Variants in BRSK2 observed in about 807,000 individuals in gnomAD.
BRSK2 encodes serine/threonine-protein kinase BRSK2.
BRSK2 carries 19 observed loss-of-function variants against 83.3 expected under a neutral mutation model. The ratio of observed to expected loss-of-function variants is 0.23; its 90% CI spans 0.16 to 0.33. The LOEUF is 0.33. Among genes scored for constraint, BRSK2 ranks in the 10% least tolerant of loss-of-function variants. The pLI is 1.00. For synonymous variants in BRSK2, 519 were observed against 435.4 expected, an observed-to-expected ratio of 1.19 and a Z score of -2.39; for missense variants, 798 against 1,042.3, an observed-to-expected ratio of 0.77 and a Z score of 3.23.
At chr11:1,393,904 GCCCC>G (rs1845886073) in intron 1 of BRSK2, among the ~76,000 whole-genome samples, 6 of 140,494 alleles carry the variant, frequency 4.3e-5, no homozygotes, top group African/African-American at 1.1e-4. Context: ...CTGGAGATGG[GCCCC>G]TGGAGATGGG....
rs565283021 is a variant in BRSK2 at position 1,390,934 on chromosome 11, G to T, written c.91+559G>T. 1.3e-5 allele frequency among the ~76,000 whole-genome samples: 2 copies of T among 152,214 alleles called. No homozygotes were observed. The highest frequency in any genetic ancestry group is 2.9e-5 in the Non-Finnish European group (2 of 68,020). ...CAGCGCCTTGCGCTGCTCCGGCTCGGGCTCGGGCGGGCGGAGCGTCTGTGA... is the reference window on the plus strand; with the variant it reads ...CAGCGCCTTGCGCTGCTCCGGCTCGTGCTCGGGCGGGCGGAGCGTCTGTGA... On this transcript the variant is annotated intron_variant, in intron 1 of 19. Transcript: ENST00000528841. This position sits in a 1 kb window ranked among gnomAD's most constrained non-coding sequence, Gnocchi z 6.8.
At chr11:1,415,821 C>T (rs974803881) in intron 1 of BRSK2, among the ~76,000 whole-genome samples, 1 of 152,266 alleles carries the variant, frequency 6.6e-6, no homozygotes, top group Non-Finnish European at 1.5e-5. Flanking sequence ...AGCGGCTGCC[C>T]CTTCTGTTGC....
At chr11:1,424,416 C>G (rs1318358999) in intron 1 of BRSK2, among the ~76,000 whole-genome samples, 1 of 152,206 alleles carries the variant, frequency 6.6e-6, no homozygotes, top group Non-Finnish European at 1.5e-5. Flanking sequence ...CGGGGTGGCC[C>G]CCACCTGCCC....
At chr11:1,447,575 C>T (rs1055773583) in intron 12 of BRSK2, among the ~76,000 whole-genome samples, 4 of 152,082 alleles carry the variant, frequency 2.6e-5, no homozygotes, top group South Asian at 2.1e-4. Flanking sequence ...TGACTGGGGA[C>T]GCAGGGGTCC....
intron 2 of BRSK2, among the ~76,000 whole-genome samples, chr11:1,437,242 G>A (rs113322572): frequency 2.0e-5 from 3 of 152,248 alleles, no homozygotes; most frequent in Non-Finnish European, 2.9e-5. Context: ...ACCTGCAGGC[G>A]CTGTGCACAG....
intron 1 of BRSK2, among the ~76,000 whole-genome samples, chr11:1,433,313 C>G (rs543490587): frequency 6.6e-6 from 1 of 152,388 alleles, no homozygotes; most frequent in African/African-American, 2.4e-5. Flanking sequence ...CACAGCCTCC[C>G]TCCTGCTTCA....
chr11:1,399,573 C>G (rs1414615860), intron 1 of BRSK2, among the ~76,000 whole-genome samples: 1 of 152,066 alleles, frequency 6.6e-6, no homozygotes, highest in Non-Finnish European at 1.5e-5. Flanking sequence ...GCTGGGGATG[C>G]CAGGGCCGCA....
chr11:1,401,148 A>G (rs1277211007), intron 1 of BRSK2, among the ~76,000 whole-genome samples: 1 of 152,070 alleles, frequency 6.6e-6, no homozygotes, highest in African/African-American at 2.4e-5. Flanking sequence ...GGGGCAGGGG[A>G]CGCCCTGCCC....
chr11:1,407,582 T>C (rs1846976983), intron 1 of BRSK2, among the ~76,000 whole-genome samples: 1 of 152,110 alleles, frequency 6.6e-6, no homozygotes, highest in African/African-American at 2.4e-5. Flanking sequence ...AGCAGCCTGG[T>C]TCTAGCAGCT....
chr11:1,440,573 G>A (rs556952965), intron 3 of BRSK2, among the ~76,000 whole-genome samples: 13 of 151,416 alleles, frequency 8.6e-5, no homozygotes, highest in Admixed American at 7.9e-4. Flanking sequence ...CCCAACCCAG[G>A]CTCCTTGAAG....
At chr11:1,418,885 T>C (rs918543222) in intron 1 of BRSK2, among the ~76,000 whole-genome samples, 2 of 152,256 alleles carry the variant, frequency 1.3e-5, no homozygotes, top group Non-Finnish European at 2.9e-5. Flanking sequence ...CTCTAACACA[T>C]ATCCAAGGGA....
chr11:1,441,084 C>T (rs1851172310), intron 4 of BRSK2, among the ~76,000 whole-genome samples, 156 bp downstream of exon 4: 1 of 146,316 alleles, frequency 6.8e-6, no homozygotes, highest in Non-Finnish European at 1.5e-5. Flanking sequence ...TGCACCATCT[C>T]CTCCTCCCCA....
At chr11:1,404,194 T>C (rs1436391474) in intron 1 of BRSK2, among the ~76,000 whole-genome samples, 2 of 152,160 alleles carry the variant, frequency 1.3e-5, no homozygotes, top group African/African-American at 2.4e-5. Flanking sequence ...GGCCACCCTT[T>C]GATTGCTGCC....
At chr11:1,456,796 CTT>C (rs1051942704) in intron 18 of BRSK2, 109 bp downstream of exon 18, 2 of 1,334,096 alleles carry the variant, frequency 1.5e-6, no homozygotes, top group African/African-American at 2.9e-5. Context: ...CCTGGCCCCT[CTT>C]GACGGACGCC....
chr11:1,411,353 C>A, intron 1 of BRSK2: 1 of 1,445,352 alleles, frequency 6.9e-7, no homozygotes, highest in Non-Finnish European at 9.0e-7. Context: ...CAGTTCTGCC[C>A]CATCTGGCCC....
At chr11:1,442,688 A>T in intron 5 of BRSK2, 82 bp downstream of exon 5, 1 of 1,113,486 alleles carries the variant, frequency 9.0e-7, no homozygotes, top group East Asian at 2.5e-5. Flanking sequence ...AGAGGCCCCC[A>T]GCCTGCCTGA....
At chr11:1,449,575 G>T (rs1178367382) in intron 12 of BRSK2, among the ~76,000 whole-genome samples, 2 of 152,160 alleles carry the variant, frequency 1.3e-5, no homozygotes, top group Non-Finnish European at 2.9e-5. Context: ...GGGCTCTGAT[G>T]GGGGCCCCAG....
rs550763686 is a variant in BRSK2, at chr11:1,429,196, T to C, written c.92-6844T>C. On this transcript the variant is annotated intron_variant, in intron 1 of 19. Transcript: ENST00000528841. ...TGTCCTGGGTGCATGCGCGTGTGCATGGGTGTGTGTGCACGCGGTGTGTGG... is the reference window on the plus strand; with the variant it reads ...TGTCCTGGGTGCATGCGCGTGTGCACGGGTGTGTGTGCACGCGGTGTGTGG... Among the ~76,000 whole-genome samples, 3 of 141,832 alleles carry C rather than the reference T, an allele frequency of 2.1e-5. No individual in the cohort carries two copies. In the East Asian group the frequency reaches 6.4e-4, roughly 30 times the overall value. 93.0% of individuals were successfully genotyped at this position (141,832 alleles called of 152,430 possible).
intron 18 of BRSK2, among the ~76,000 whole-genome samples, chr11:1,457,607 G>T (rs1245492462): frequency 6.6e-6 from 1 of 152,158 alleles, no homozygotes; most frequent in East Asian, 1.9e-4. Flanking sequence ...GGTACGGCGT[G>T]GGGGCGCTGG....
Sources: allele counts gnomAD v4.1 joint callset (sites outside exome capture counted in the v4.1 genomes callset), GRCh38; gene constraint gnomAD v4.1.1; non-coding constraint Gnocchi (gnomAD v3.1); transcripts MANE v1.5; gene names NCBI Gene and HGNC (gene_info 2026-07-23, HGNC 2026-07-21).